Variants in BTBD16 observed in about 807,000 individuals in gnomAD.
The protein encoded by BTBD16 is BTB domain containing 16.
In BTBD16, 66 loss-of-function variants were observed where a neutral mutation model predicts 67.4. That is an observed-to-expected ratio of 0.98 (90% CI 0.80 to 1.20). The LOEUF (loss-of-function observed/expected upper bound fraction) is 1.20, where lower values mean the gene tolerates loss of function less well. Among genes scored for constraint, BTBD16 ranks in the 50% most tolerant of loss-of-function variants. The pLI, the probability that BTBD16 is intolerant of heterozygous loss-of-function variation, is 0.00. For missense variants in BTBD16, 634 were observed against 616.0 expected, an observed-to-expected ratio of 1.03 and a Z score of -0.31; for synonymous variants, 242 against 236.4, an observed-to-expected ratio of 1.02 and a Z score of -0.22.
chr10:122,316,134 G>T (rs1413314785), intron 10 of BTBD16, among the ~76,000 whole-genome samples: 5 of 152,116 alleles, frequency 3.3e-5, no homozygotes, highest in Non-Finnish European at 2.9e-5. Context: ...AGGCATGGTG[G>T]TGCACGTCTG....
At chr10:122,279,245 A>C (rs1315624198) in intron 3 of BTBD16, among the ~76,000 whole-genome samples, 1 of 152,066 alleles carries the variant, frequency 6.6e-6, no homozygotes, top group East Asian at 1.9e-4. Context: ...TGGGAGGTCT[A>C]GGTGGGAGGA....
At chr10:122,304,655 C>G (rs185819898) in intron 9 of BTBD16, among the ~76,000 whole-genome samples, 4 of 150,772 alleles carry the variant, frequency 2.7e-5, no homozygotes, top group African/African-American at 9.8e-5. Flanking sequence ...CCCAGGTTCA[C>G]GCCATTCTCC....
At chr10:122,316,949 G>A (rs539633701) in intron 10 of BTBD16, among the ~76,000 whole-genome samples, 2 of 152,220 alleles carry the variant, frequency 1.3e-5, no homozygotes, top group Non-Finnish European at 2.9e-5. Flanking sequence ...CAGTGCGCCC[G>A]GCTAATTTTT....
intron 8 of BTBD16, among the ~76,000 whole-genome samples, chr10:122,298,273 A>G (rs2096387278): frequency 6.6e-6 from 1 of 152,186 alleles, no homozygotes; most frequent in Non-Finnish European, 1.5e-5. Flanking sequence ...AGCTGGGTCC[A>G]AAGCCCAGGC....
At chr10:122,318,173 G>A (rs1453017661) in intron 10 of BTBD16, among the ~76,000 whole-genome samples, 1 of 152,106 alleles carries the variant, frequency 6.6e-6, no homozygotes, top group Non-Finnish European at 1.5e-5. Context: ...GTGGTCTGTT[G>A]TAGACTGAAA....
At chr10:122,284,761 G>T (rs80164885) in intron 4 of BTBD16, among the ~76,000 whole-genome samples, 10 of 150,292 alleles carry the variant, frequency 6.7e-5, no homozygotes, top group African/African-American at 2.5e-4. Flanking sequence ...CCAAAGAAAG[G>T]CTAATAAATT....
chr10:122,310,052 G>A (rs1260776833), intron 10 of BTBD16, among the ~76,000 whole-genome samples: 2 of 152,150 alleles, frequency 1.3e-5, no homozygotes, highest in Admixed American at 6.5e-5. Context: ...GATTGCAGGC[G>A]TGAGCCACCG....
At chr10:122,288,111 G>A (rs1258137252) in intron 5 of BTBD16, among the ~76,000 whole-genome samples, 1 of 151,814 alleles carries the variant, frequency 6.6e-6, no homozygotes, top group Non-Finnish European at 1.5e-5. Context: ...CTTACCATCT[G>A]AGGGGACAGA....
At chr10:122,332,708 G>A (rs532381115) in intron 13 of BTBD16, 195 bp downstream of exon 13, 66 of 702,580 alleles carry the variant, frequency 9.4e-5, no homozygotes, top group East Asian at 4.0e-4. Flanking sequence ...GGCCTGGGGC[G>A]GGCCATTTAA....
At chr10:122,305,836 A>T (rs1590073165) in intron 9 of BTBD16, among the ~76,000 whole-genome samples, 1 of 152,210 alleles carries the variant, frequency 6.6e-6, no homozygotes, top group Admixed American at 6.5e-5. Flanking sequence ...GAGAACATGC[A>T]GTATTTAGTT....
At chr10:122,279,847 A>G (rs1294505098) in intron 3 of BTBD16, among the ~76,000 whole-genome samples, 1 of 152,108 alleles carries the variant, frequency 6.6e-6, no homozygotes, top group African/African-American at 2.4e-5. Flanking sequence ...GTCTGCTTGG[A>G]CAGGAGCTGG....
intron 3 of BTBD16, among the ~76,000 whole-genome samples, chr10:122,279,245 A>G (rs1315624198): frequency 6.6e-6 from 1 of 152,066 alleles, no homozygotes; most frequent in African/African-American, 2.4e-5. Flanking sequence ...TGGGAGGTCT[A>G]GGTGGGAGGA....
chr10:122,303,737 C>G, intron 9 of BTBD16: 1 of 664,004 alleles, frequency 1.5e-6, no homozygotes, highest in Non-Finnish European at 1.9e-6. Flanking sequence ...TGGCTGCTAG[C>G]GAGTGCCAGT....
At position 122,305,208 on chromosome 10, in the gene BTBD16, G is replaced by A. The variant is rs549783260; in HGVS notation, c.792-1981G>A. On this transcript the variant is annotated intron_variant, in intron 9 of 15. Coordinates refer to ENST00000260723, the MANE Select transcript of BTBD16 (RefSeq NM_144587.5). ...GGGTACATGTGCAGGTTGTACATGAGTAAATTGCATGTCACAGGGATTTGG... is the reference window on the plus strand; with the variant it reads ...GGGTACATGTGCAGGTTGTACATGAATAAATTGCATGTCACAGGGATTTGG... 3.3e-5 allele frequency among the ~76,000 whole-genome samples: 5 copies of A among 152,332 alleles called. No homozygotes were observed. The East Asian group carries it at 9.6e-4, about 29-fold the overall frequency.
At chr10:122,311,601 G>A (rs762041908) in intron 10 of BTBD16, among the ~76,000 whole-genome samples, 1 of 152,182 alleles carries the variant, frequency 6.6e-6, no homozygotes, top group African/African-American at 2.4e-5. Flanking sequence ...ACTTGTAATC[G>A]GAGAAAGGGC....
At chr10:122,325,757 C>T (rs2096443512) in intron 10 of BTBD16, among the ~76,000 whole-genome samples, 1 of 151,858 alleles carries the variant, frequency 6.6e-6, no homozygotes, top group Non-Finnish European at 1.5e-5. Context: ...CTCACTGCAA[C>T]TGCTGCCTCC....
At chr10:122,273,449 ATAT>A (rs760541321) in intron 1 of BTBD16, among the ~76,000 whole-genome samples, 4 of 152,160 alleles carry the variant, frequency 2.6e-5, no homozygotes, top group African/African-American at 7.2e-5. Context: ...ACTGTATGAA[ATAT>A]TATGCGGCCA....
intron 15 of BTBD16, among the ~76,000 whole-genome samples, chr10:122,337,326 G>T (rs933653869): frequency 3.9e-5 from 6 of 152,148 alleles, no homozygotes; most frequent in African/African-American, 1.4e-4. Context: ...AAAGCTTCCA[G>T]GTTGTTTTCT....
At chr10:122,282,470 C>G (rs1178997012) in intron 3 of BTBD16, among the ~76,000 whole-genome samples, 1 of 152,208 alleles carries the variant, frequency 6.6e-6, no homozygotes, top group Admixed American at 6.5e-5. Flanking sequence ...CTGCATGCAC[C>G]CTGACCCATG....
Sources: gnomAD v4.1 joint callset for allele counts (sites outside exome capture counted in the v4.1 genomes callset) on GRCh38, gnomAD v4.1.1 for gene constraint, MANE v1.5 for transcripts, NCBI Gene and HGNC (gene_info 2026-07-23, HGNC 2026-07-21) for gene names.